SYT1: variants seen among roughly 807,000 people sequenced by gnomAD.
The protein encoded by SYT1 is synaptotagmin 1.
Under a neutral mutation model 44.8 loss-of-function variants are expected in SYT1, and 8 were observed. The ratio of observed to expected loss-of-function variants is 0.18; its 90% CI spans 0.10 to 0.32. SYT1 has a LOEUF of 0.32. SYT1 is among the 10% of genes least tolerant of loss of function. The probability of loss-of-function intolerance (pLI) is 1.00; values close to 1 mark genes in which losing one functional copy is unlikely to be tolerated. For missense variants in SYT1, 286 were observed against 509.3 expected (o/e 0.56, Z 4.22); for synonymous variants, 154 against 188.8 (o/e 0.82, Z 1.51).
intron 1 of SYT1, among the ~76,000 whole-genome samples, chr12:78,957,193 T>A (rs146367241): frequency 6.6e-6 from 1 of 152,210 alleles, no homozygotes; most frequent in Non-Finnish European, 1.5e-5. Flanking sequence ...CTAAAACCGG[T>A]CACAGTGGCT....
At chr12:78,889,502 G>A (rs1233649768) in intron 1 of SYT1, among the ~76,000 whole-genome samples, 2 of 151,932 alleles carry the variant, frequency 1.3e-5, no homozygotes, top group Non-Finnish European at 2.9e-5. Flanking sequence ...TCATTTTGGA[G>A]AGGAATAACT....
intron 3 of SYT1, among the ~76,000 whole-genome samples, chr12:79,172,954 T>C (rs1024818598): frequency 2.0e-5 from 2 of 99,264 alleles, no homozygotes; most frequent in African/African-American, 4.3e-5. Flanking sequence ...TTCAGGTTAC[T>C]AGAGTTCCTG....
chr12:78,960,613 C>T (rs1879451960), intron 1 of SYT1: 1 of 152,164 alleles, frequency 6.6e-6, no homozygotes, highest in Non-Finnish European at 1.5e-5. Flanking sequence ...AGAGCGGCAC[C>T]ATCAGTGTCA....
At chr12:79,219,931 G>A (rs1284268640) in intron 4 of SYT1, among the ~76,000 whole-genome samples, 1 of 151,934 alleles carries the variant, frequency 6.6e-6, no homozygotes, top group Non-Finnish European at 1.5e-5. Context: ...ATTTCTATCA[G>A]GGCTTTTCTG....
intron 1 of SYT1, among the ~76,000 whole-genome samples, chr12:78,902,712 TA>T (rs1875731846): frequency 1.3e-5 from 2 of 152,120 alleles, no homozygotes; most frequent in African/African-American, 4.8e-5. Context: ...AATTTAAGTT[TA>T]TTTTTTTCAT....
chr12:79,124,616 A>T (rs186213284), intron 3 of SYT1, among the ~76,000 whole-genome samples: 1 of 152,058 alleles, frequency 6.6e-6, no homozygotes, highest in Admixed American at 6.5e-5. Flanking sequence ...TATCATCATC[A>T]CCATCGCCAT....
chr12:79,112,389 T>C (rs1271698236), intron 3 of SYT1, among the ~76,000 whole-genome samples: 1 of 152,094 alleles, frequency 6.6e-6, no homozygotes, highest in Non-Finnish European at 1.5e-5. Context: ...AAAAAAAAGT[T>C]CTATTTCTTA....
At chr12:79,439,940 T>C (rs1870312557) in intron 9 of SYT1, among the ~76,000 whole-genome samples, 2 of 151,898 alleles carry the variant, frequency 1.3e-5, no homozygotes, top group Non-Finnish European at 2.9e-5. Flanking sequence ...AAATCAGCCT[T>C]TCTGGCTGGG....
intron 5 of SYT1, among the ~76,000 whole-genome samples, chr12:79,286,852 T>C (rs932585431): frequency 1.7e-4 from 26 of 151,626 alleles, no homozygotes; most frequent in Admixed American, 6.6e-5. Flanking sequence ...AATGTACAGA[T>C]TTTTTATAGA....
chr12:79,004,491 A>T (rs1320287825), intron 2 of SYT1, among the ~76,000 whole-genome samples: 1 of 151,970 alleles, frequency 6.6e-6, no homozygotes, highest in Non-Finnish European at 1.5e-5. Flanking sequence ...TAGTTAGCAT[A>T]AGTAATTTGA....
intron 4 of SYT1, among the ~76,000 whole-genome samples, chr12:79,267,996 C>T (rs1179540142): frequency 6.6e-6 from 1 of 152,130 alleles, no homozygotes; most frequent in East Asian, 1.9e-4. Context: ...ATAAAACGTC[C>T]TTCATTCAAC....
At chr12:79,296,748 T>A (rs963532256) in intron 7 of SYT1, among the ~76,000 whole-genome samples, 1 of 152,176 alleles carries the variant, frequency 6.6e-6, no homozygotes, top group Non-Finnish European at 1.5e-5. Context: ...ATTGCATTTC[T>A]AGCCTTCTTC....
chr12:79,434,374 A>G (rs1034231145), intron 9 of SYT1, among the ~76,000 whole-genome samples: 3 of 152,230 alleles, frequency 2.0e-5, no homozygotes, highest in African/African-American at 4.8e-5. Context: ...TTTATTCTAT[A>G]TAGACATTTT....
At chr12:79,014,122 C>CAAAAAAAAAAAAAAAAA (rs1358787041) in intron 2 of SYT1, among the ~76,000 whole-genome samples, 1 of 39,726 alleles carries the variant, frequency 2.5e-5, no homozygotes, top group Non-Finnish European at 5.7e-5. Flanking sequence ...AGACTCTCTC[C>CAAAAAAAAAAAAAAAAA]AAAAAAAAAA....
At chr12:79,218,287 CA>C (rs1874937982) in intron 4 of SYT1, among the ~76,000 whole-genome samples, 1 of 152,022 alleles carries the variant, frequency 6.6e-6, no homozygotes, top group Admixed American at 6.6e-5. Context: ...TGTTGGCTAT[CA>C]TTAATAATAT....
chr12:79,005,140 G>A (rs1455186095), intron 2 of SYT1, among the ~76,000 whole-genome samples: 1 of 151,964 alleles, frequency 6.6e-6, no homozygotes, highest in Admixed American at 6.6e-5. Flanking sequence ...TTAGCTATAT[G>A]TGAAGTCAGC....
At chr12:79,306,322 C>A (rs577659283) in intron 8 of SYT1, among the ~76,000 whole-genome samples, 1 of 152,188 alleles carries the variant, frequency 6.6e-6, no homozygotes, top group South Asian at 2.1e-4. Context: ...GAATTCCAGT[C>A]CCTCTCTCCA....
intron 3 of SYT1, among the ~76,000 whole-genome samples, chr12:79,140,509 G>C (rs1323669928): frequency 6.6e-6 from 1 of 152,178 alleles, no homozygotes. Flanking sequence ...TTAAGTATTT[G>C]TTGGGGTCTT....
chr12:78,941,763 T>TC (rs1386811025), intron 1 of SYT1, among the ~76,000 whole-genome samples: 45 of 152,204 alleles, frequency 3.0e-4, no homozygotes, highest in African/African-American at 1.1e-3. Flanking sequence ...TTCTTCTTCC[T>TC]CCTTGAGCTA....
Sources: gnomAD v4.1 joint callset for allele counts (sites outside exome capture counted in the v4.1 genomes callset) on GRCh38, gnomAD v4.1.1 for gene constraint, MANE v1.5 for transcripts, NCBI Gene and HGNC (gene_info 2026-07-23, HGNC 2026-07-21) for gene names.